The following PKHD1 variants were observed in gnomAD, a reference collection of about 807,000 sequenced individuals.
The protein encoded by PKHD1 is fibrocystin.
PKHD1 carries 291 observed loss-of-function variants against 412.0 expected under a neutral mutation model. The ratio of observed to expected loss-of-function variants is 0.71; its 90% CI spans 0.64 to 0.78. The LOEUF (loss-of-function observed/expected upper bound fraction) is 0.78, where lower values mean the gene tolerates loss of function less well. Among genes scored for constraint, PKHD1 ranks in the 30% least tolerant of loss-of-function variants. The pLI, the probability that PKHD1 is intolerant of heterozygous loss-of-function variation, is 0.00. For synonymous variants in PKHD1, 1,777 were observed against 1,821.5 expected (o/e 0.98, Z 0.62); for missense variants, 4,825 against 4,950.7 (o/e 0.97, Z 0.76).
chr6:51,699,295 G>T (rs952957065), intron 60 of PKHD1, among the ~76,000 whole-genome samples: 1 of 152,100 alleles, frequency 6.6e-6, no homozygotes, highest in Admixed American at 6.6e-5. Context: ...TGTCTCTATA[G>T]TTTTTCCTTT....
At chr6:51,688,158 G>A (rs1052930894) in intron 60 of PKHD1, among the ~76,000 whole-genome samples, 3 of 152,094 alleles carry the variant, frequency 2.0e-5, no homozygotes, top group African/African-American at 4.8e-5. Context: ...TTATTAATTC[G>A]TAAGCACAAT....
chr6:51,903,028 T>G (rs1230988702), intron 43 of PKHD1, among the ~76,000 whole-genome samples: 3 of 152,070 alleles, frequency 2.0e-5, no homozygotes, highest in Non-Finnish European at 2.9e-5. Context: ...TGGAATCAAG[T>G]GAGACAAAAA....
chr6:52,040,756 C>CT (rs1804742625), intron 27 of PKHD1, among the ~76,000 whole-genome samples: 1 of 152,156 alleles, frequency 6.6e-6, no homozygotes, highest in East Asian at 1.9e-4. Context: ...TCTCCCTTCT[C>CT]TAAGGCCACT....
chr6:51,991,494 A>G (rs1797035549), intron 35 of PKHD1, among the ~76,000 whole-genome samples: 1 of 152,236 alleles, frequency 6.6e-6, no homozygotes, highest in South Asian at 2.1e-4. Context: ...TCACTTAAAA[A>G]AATAAAAGTA....
At chr6:51,805,476 G>A (rs1371662598) in intron 52 of PKHD1, among the ~76,000 whole-genome samples, 8 of 152,230 alleles carry the variant, frequency 5.3e-5, no homozygotes, top group South Asian at 2.1e-4. Context: ...AAACCTCAGC[G>A]TTATGTAATA....
chr6:51,866,030 T>TA (rs11383038), intron 48 of PKHD1, among the ~76,000 whole-genome samples: 138,971 of 151,782 alleles, frequency 0.92, 63,887 homozygotes, highest in East Asian at 0.99. Flanking sequence ...TCTGCATTTC[T>TA]AAAAAAAATC....
At chr6:51,980,278 A>G (rs886553635) in intron 35 of PKHD1, among the ~76,000 whole-genome samples, 1 of 152,206 alleles carries the variant, frequency 6.6e-6, no homozygotes, top group African/African-American at 2.4e-5. Context: ...GAAAATATTC[A>G]TCAAGGTATA....
rs1788689522 is a variant in PKHD1, at chr6:51,942,137, C to T, written c.5909-7815G>A. 1.3e-5 allele frequency among the ~76,000 whole-genome samples: 2 copies of T among 151,474 alleles called. 1 individual carries two copies. The highest frequency in any genetic ancestry group is 3.0e-5 in the Non-Finnish European group (2 of 67,742). The stretch of plus-strand genomic sequence containing the variant: ...AGGAAACCTAGCTGACCCCATAGAT[C>T]CTAAATCCTTTCCCCACTCCTCTTT... On this transcript the variant is annotated intron_variant, in intron 36 of 66. Transcript: ENST00000371117.
In PKHD1 at chr6:51,896,944, G is replaced by A. The variant is rs1583253546; in HGVS notation, c.6996+6653C>T. Among the ~76,000 whole-genome samples the A allele has an allele frequency of 9.9e-5, 15 of 152,202 alleles. No homozygotes were observed. The South Asian group carries it at 1.5e-3, about 15-fold the overall frequency. On this transcript the variant is annotated intron_variant, in intron 43 of 66. Transcript: ENST00000371117. ...GAAGATGAAGTGAATGAAATGAAGC[G>A]AGAAGGGAAGTTTAGAGAAAAAAGA... is the stretch of plus-strand genomic sequence containing the variant.
intron 37 of PKHD1, 102 bp downstream of exon 37, chr6:51,934,008 G>C (rs1264152355): frequency 2.4e-6 from 2 of 841,194 alleles, no homozygotes; most frequent in Non-Finnish European, 4.1e-6. Flanking sequence ...AACTGACCTG[G>C]TTGGCTCAGC....
Position 51,674,285 on chromosome 6 carries a change from G to A in PKHD1, c.10157-14316C>T, listed in dbSNP as rs75581159. On this transcript the variant is annotated intron_variant, in intron 60 of 66. Coordinates refer to ENST00000371117, the MANE Select transcript of PKHD1 (RefSeq NM_138694.4). ...AGATATATCTGTTAAGAAACCCACA[G>A]ACTAACGAGTGTGGTGCTTGGAAGT... Among the ~76,000 whole-genome samples the A allele has an allele frequency of 3.0e-3, 452 of 152,288 alleles. 2 individuals carry two copies. The highest frequency in any genetic ancestry group is 0.01 in the African/African-American group (435 of 41,558).
intron 23 of PKHD1, among the ~76,000 whole-genome samples, chr6:52,047,181 G>A (rs1401066689): frequency 3.9e-5 from 6 of 152,172 alleles, no homozygotes; most frequent in Admixed American, 1.3e-4. Context: ...AAGTCTCTAC[G>A]GATGAGCTGT....
intron 66 of PKHD1, among the ~76,000 whole-genome samples, chr6:51,619,781 A>C (rs1766381314): frequency 6.6e-6 from 1 of 152,184 alleles, no homozygotes; most frequent in Non-Finnish European, 1.5e-5. Flanking sequence ...TCAATGCAAA[A>C]ACCAGACCAT....
At chr6:51,708,961 T>C (rs1780331913) in intron 60 of PKHD1, among the ~76,000 whole-genome samples, 1 of 152,182 alleles carries the variant, frequency 6.6e-6, no homozygotes, top group Non-Finnish European at 1.5e-5. Flanking sequence ...GAAGACCATT[T>C]ATGGCCCTTC....
At chr6:51,840,303 T>C (rs1261975932) in intron 50 of PKHD1, among the ~76,000 whole-genome samples, 1 of 152,078 alleles carries the variant, frequency 6.6e-6, no homozygotes, top group East Asian at 1.9e-4. Context: ...TAAAACATGA[T>C]CCTTTAAAGG....
intron 60 of PKHD1, among the ~76,000 whole-genome samples, chr6:51,666,328 C>T (rs956032120): frequency 1.3e-5 from 2 of 152,068 alleles, no homozygotes; most frequent in African/African-American, 4.8e-5. Context: ...CCCAGCTTAC[C>T]TCTGTATCAT....
intron 35 of PKHD1, among the ~76,000 whole-genome samples, chr6:51,993,198 G>T (rs1797250897): frequency 6.6e-6 from 1 of 152,208 alleles, no homozygotes; most frequent in African/African-American, 2.4e-5. Flanking sequence ...GAGGTGAGTG[G>T]GGAGAATGTT....
intron 60 of PKHD1, among the ~76,000 whole-genome samples, chr6:51,668,370 GC>G (rs1224381602): frequency 1.2e-4 from 18 of 152,178 alleles, no homozygotes; most frequent in African/African-American, 4.3e-4. Context: ...GTATAAGAAT[GC>G]TTGTGATTTT....
At chr6:51,750,480 A>C (rs1043699976) in intron 57 of PKHD1, among the ~76,000 whole-genome samples, 1 of 152,118 alleles carries the variant, frequency 6.6e-6, no homozygotes, top group Non-Finnish European at 1.5e-5. Flanking sequence ...GTTTCTTATA[A>C]ATGATATTAC....
Sources: gnomAD v4.1 joint callset for allele counts (sites outside exome capture counted in the v4.1 genomes callset) on GRCh38, gnomAD v4.1.1 for gene constraint, MANE v1.5 for transcripts, NCBI Gene and HGNC (gene_info 2026-07-23, HGNC 2026-07-21) for gene names.